Variants in UBE2Q2 observed in about 807,000 individuals in gnomAD.
UBE2Q2 encodes ubiquitin-conjugating enzyme E2 Q2.
A neutral mutation model predicts 59.9 loss-of-function variants in UBE2Q2; 54 were observed. That is an observed-to-expected ratio of 0.90 (90% CI 0.72 to 1.13). The LOEUF (loss-of-function observed/expected upper bound fraction) is 1.13. Among genes scored for constraint, UBE2Q2 ranks in the 50% most tolerant of loss-of-function variants. UBE2Q2 has a pLI of 0.00. For synonymous variants in UBE2Q2, 165 were observed against 155.2 expected, an observed-to-expected ratio of 1.06 and a Z score of -0.47; for missense variants, 433 against 441.9, an observed-to-expected ratio of 0.98 and a Z score of 0.18.
intron 6 of UBE2Q2, among the ~76,000 whole-genome samples, 162 bp downstream of exon 6, chr15:75,876,433 A>T (rs1378140171): frequency 6.6e-6 from 1 of 152,220 alleles, no homozygotes; most frequent in Non-Finnish European, 1.5e-5. Context: ...AAGATGTAGG[A>T]GTAAAATAGG....
chr15:75,873,685 G>T (rs911167440), intron 5 of UBE2Q2, 117 bp downstream of exon 5: 3 of 1,177,746 alleles, frequency 2.5e-6, no homozygotes, highest in Non-Finnish European at 3.6e-6. Context: ...TTCTGCCTTA[G>T]TGGTGGATTC....
chr15:75,899,661 G>A lies in UBE2Q2; in HGVS notation c.*203G>A, dbSNP rs1406288963. The A allele has an allele frequency of 8.5e-6, 3 of 352,574 alleles. No homozygotes were observed. Among genetic ancestry groups the A allele is most frequent in the Admixed American group, 4.9e-5 (1 of 20,520 alleles). 21.8% of individuals were successfully genotyped at this position (352,574 alleles called of 1,614,324 possible). On this transcript the variant is annotated 3_prime_UTR_variant, in exon 13 of 13. Coordinates refer to ENST00000267938, the MANE Select transcript of UBE2Q2 (RefSeq NM_173469.4). ...CATTTTAGATATCTTGGACTGAGCA[G>A]TGGGGCCTTTACTGTATTTTTCCTG...
At chr15:75,892,183 G>GT in intron 11 of UBE2Q2, among the ~76,000 whole-genome samples, 1 of 152,214 alleles carries the variant, frequency 6.6e-6, no homozygotes, top group East Asian at 1.9e-4. Context: ...AGATGGTAAA[G>GT]TGGTCTCATG....
chr15:75,847,895 G>A (rs557014366), intron 1 of UBE2Q2, among the ~76,000 whole-genome samples: 2 of 152,130 alleles, frequency 1.3e-5, no homozygotes, highest in African/African-American at 4.8e-5. Flanking sequence ...CTGCGTATAA[G>A]TGGCTGTTTG....
At chr15:75,883,010 T>C (rs971168971) in intron 8 of UBE2Q2, among the ~76,000 whole-genome samples, 9 of 152,186 alleles carry the variant, frequency 5.9e-5, no homozygotes, top group African/African-American at 2.2e-4. Flanking sequence ...GGTGTTCCCT[T>C]TTCTTAGCCT....
chr15:75,846,952 A>C (rs1394535055), intron 1 of UBE2Q2, among the ~76,000 whole-genome samples: 2 of 152,078 alleles, frequency 1.3e-5, no homozygotes, highest in African/African-American at 4.8e-5. Flanking sequence ...TCCACCCCTT[A>C]ACCTTACCCC....
At chr15:75,846,249 A>G (rs1567012064) in intron 1 of UBE2Q2, among the ~76,000 whole-genome samples, 1 of 151,916 alleles carries the variant, frequency 6.6e-6, no homozygotes, top group African/African-American at 2.4e-5. Flanking sequence ...TTTTATTATT[A>G]TTTTTTGAGA....
At chr15:75,861,307 G>A (rs1230672832) in intron 3 of UBE2Q2, among the ~76,000 whole-genome samples, 2 of 152,148 alleles carry the variant, frequency 1.3e-5, no homozygotes, top group Non-Finnish European at 2.9e-5. Flanking sequence ...CTATGCTGTT[G>A]TCTTCTAACC....
At chr15:75,865,445 T>C (rs1221505315) in intron 3 of UBE2Q2, among the ~76,000 whole-genome samples, 1 of 152,238 alleles carries the variant, frequency 6.6e-6, no homozygotes, top group East Asian at 1.9e-4. Flanking sequence ...TGTGGGTTGT[T>C]TCCAGTGTTA....
intron 6 of UBE2Q2, among the ~76,000 whole-genome samples, chr15:75,877,183 A>AAAAG (rs1555422255): frequency 2.2e-4 from 33 of 148,670 alleles, no homozygotes; most frequent in African/African-American, 7.7e-4. Context: ...AAAAAAAAAA[A>AAAAG]GGGTTATGAC....
intron 12 of UBE2Q2, among the ~76,000 whole-genome samples, chr15:75,897,530 G>A (rs996979758): frequency 6.6e-6 from 1 of 151,522 alleles, no homozygotes; most frequent in African/African-American, 2.4e-5. Flanking sequence ...CCTTAACATT[G>A]TACTTCAGTC....
At chr15:75,857,689 C>G (rs1387074478) in intron 2 of UBE2Q2, among the ~76,000 whole-genome samples, 2 of 150,208 alleles carry the variant, frequency 1.3e-5, no homozygotes, top group Non-Finnish European at 2.9e-5. Flanking sequence ...TCTTAATGTC[C>G]ACCAATAAAG....
intron 3 of UBE2Q2, among the ~76,000 whole-genome samples, chr15:75,865,911 A>C (rs758484713): frequency 6.6e-6 from 1 of 152,114 alleles, no homozygotes; most frequent in Non-Finnish European, 1.5e-5. Flanking sequence ...ACTCTGTATA[A>C]AGTATTCCAC....
chr15:75,890,978 C>T lies in UBE2Q2; in HGVS notation c.993C>T (p.Val331=). ...TCATGCAAATAAATGCCACCTTAGT[C>T]AAAGGCAAAGCCAGAGTGCAGTTTG... The part of the protein sequence containing the change: ...SVIMQINATL[V]KGKARVQFGA... Residue 331 remains valine (V), a synonymous_variant, in exon 11 of 13, where the codon GTC becomes GTT. Coordinates refer to ENST00000267938, the MANE Select transcript of UBE2Q2 (RefSeq NM_173469.4). 1.2e-6 allele frequency: 2 copies of T among 1,612,262 alleles called. No homozygotes were observed. The highest frequency in any genetic ancestry group is 1.7e-6 in the Non-Finnish European group (2 of 1,179,922).
At chr15:75,868,870 T>A in intron 3 of UBE2Q2, 81 bp from the exon 4 acceptor site, 1 of 1,226,512 alleles carries the variant, frequency 8.2e-7, no homozygotes, top group Admixed American at 1.9e-5. Context: ...TGTTTGAGAG[T>A]TTGTGGCACC....
chr15:75,854,600 G>T, intron 2 of UBE2Q2, 113 bp downstream of exon 2: 2 of 631,654 alleles, frequency 3.2e-6, no homozygotes, highest in Admixed American at 3.6e-5. Context: ...TAATCTTGTA[G>T]GAATTAAAGA....
chr15:75,860,695 C>A (rs1897163633), intron 3 of UBE2Q2, among the ~76,000 whole-genome samples: 2 of 152,084 alleles, frequency 1.3e-5, no homozygotes, highest in African/African-American at 4.8e-5. Flanking sequence ...TGTTGTAGCC[C>A]TTTCTGTGAG....
intron 2 of UBE2Q2, among the ~76,000 whole-genome samples, chr15:75,856,743 A>G (rs1006885697): frequency 1.1e-4 from 16 of 152,190 alleles, no homozygotes; most frequent in African/African-American, 3.9e-4. Context: ...GGGGAGTTCA[A>G]GACCAGCCTG....
chr15:75,859,964 A>G lies in UBE2Q2; in HGVS notation c.369A>G (p.Gln123=), dbSNP rs762764481. The G allele has an allele frequency of 1.2e-6, 2 of 1,601,048 alleles. No individual in the cohort carries two copies. Among genetic ancestry groups the G allele is most frequent in the East Asian group, 2.3e-5 (1 of 44,204 alleles). The change falls in exon 3 of 13, where the codon CAA becomes CAG. Residue 123 remains glutamine, a synonymous_variant. Coordinates refer to ENST00000267938, the MANE Select transcript of UBE2Q2 (RefSeq NM_173469.4). ...PKHLDVEMLD[Q]PLPTGQNGTT... ...ACCTGGATGTTGAGATGCTAGATCA[A>G]CCACTACCCACGGGTCAGGTAAAGT...
Sources: gnomAD v4.1 joint callset for allele counts (sites outside exome capture counted in the v4.1 genomes callset) on GRCh38, gnomAD v4.1.1 for gene constraint, MANE v1.5 for transcripts, NCBI Gene and HGNC (gene_info 2026-07-23, HGNC 2026-07-21) for gene names.